LCMT1: variants seen among roughly 807,000 people sequenced by gnomAD.
LCMT1 encodes the protein [Phosphatase 2A protein]-leucine-carboxy methyltransferase 1.
LCMT1 carries 32 observed loss-of-function variants against 47.7 expected under a neutral mutation model. That is an observed-to-expected ratio of 0.67 (90% CI 0.51 to 0.90). The LOEUF (loss-of-function observed/expected upper bound fraction) is 0.90. Ranked by LOEUF, LCMT1 falls within the 40% of genes least tolerant of loss-of-function variation. LCMT1 has a pLI of 0.00. For synonymous variants in LCMT1, 152 were observed against 149.7 expected (o/e 1.02, Z -0.11); for missense variants, 375 against 415.2 (o/e 0.90, Z 0.84).
intron 1 of LCMT1, 116 bp downstream of exon 1, chr16:25,112,112 A>G: frequency 1.4e-6 from 1 of 732,326 alleles, no homozygotes; most frequent in Non-Finnish European, 2.4e-6. Flanking sequence ...CCCGCCTCGC[A>G]CGACCCTCGC....
At chr16:25,134,745 C>T (rs571378382) in intron 3 of LCMT1, among the ~76,000 whole-genome samples, 21 of 152,304 alleles carry the variant, frequency 1.4e-4, no homozygotes, top group African/African-American at 3.4e-4. Context: ...GGATTACAGG[C>T]GTTCACCACC....
chr16:25,161,082 G>A lies in LCMT1; in HGVS notation c.467-20G>A. On this transcript the variant is annotated intron_variant, in intron 5 of 10. Transcript: ENST00000399069. ...AAAAGACATATTCATTAAAATTATA[G>A]CCTCTGATTGCATTTGCAGATGGAC... 2 of 1,451,460 alleles carry A rather than the reference G, an allele frequency of 1.4e-6. No homozygotes were observed. The highest frequency in any genetic ancestry group is 9.6e-7 in the Non-Finnish European group (1 of 1,045,384). 89.9% of individuals were successfully genotyped at this position (1,451,460 alleles called of 1,614,324 possible). A position where few individuals can be genotyped will look rare whatever the true frequency, so the allele number is the denominator to read the frequency against.
chr16:25,114,386 A>G (rs553077702), intron 1 of LCMT1, among the ~76,000 whole-genome samples: 1 of 152,284 alleles, frequency 6.6e-6, no homozygotes, highest in African/African-American at 2.4e-5. Flanking sequence ...ATTGTCATCA[A>G]ATCATTATCA....
At position 25,111,904 on chromosome 16, in the gene LCMT1, A is replaced by C; in HGVS notation, c.21A>C (p.Glu7Asp). ...CGCCCATGGCCACTAGGCAGAGGGA[A>C]TCCTCTATCACCTCCTGCTGTTCCA... The part of the protein sequence containing the change: MATRQR[E>D]SSITSCCSTS... The change falls in exon 1 of 11, where the codon GAA (glutamate) becomes GAC (aspartate). Residue 7 changes from glutamate to aspartate, a missense_variant. Glu to Asp is a conservative substitution (Grantham distance 45). Transcript: ENST00000399069. 6.2e-7 allele frequency: 1 copy of C among 1,612,722 alleles called. No individual in the cohort carries two copies. Among genetic ancestry groups the C allele is most frequent in the Non-Finnish European group, 8.5e-7 (1 of 1,179,158 alleles).
chr16:25,173,938 G>A (rs1567330906), intron 9 of LCMT1, among the ~76,000 whole-genome samples: 1 of 152,182 alleles, frequency 6.6e-6, no homozygotes, highest in African/African-American at 2.4e-5. Context: ...TTGAGACCGA[G>A]TCTCGCTCTG....
At chr16:25,134,814 T>A (rs150404673) in intron 3 of LCMT1, among the ~76,000 whole-genome samples, 1 of 152,332 alleles carries the variant, frequency 6.6e-6, no homozygotes, top group Non-Finnish European at 1.5e-5. Flanking sequence ...TTGGCCAGGC[T>A]GGTCTTGAAC....
chr16:25,145,405 T>TG (rs1960819010), intron 4 of LCMT1: 2 of 152,228 alleles, frequency 1.3e-5, no homozygotes, highest in South Asian at 4.1e-4. Flanking sequence ...CCAGAAGCCC[T>TG]GGGGAAGCAC....
At chr16:25,172,719 G>C (rs1159306731) in intron 9 of LCMT1, among the ~76,000 whole-genome samples, 1 of 152,254 alleles carries the variant, frequency 6.6e-6, no homozygotes, top group African/African-American at 2.4e-5. Flanking sequence ...TGAAAGCCTA[G>C]AGGGTTTGAG....
At chr16:25,135,284 A>AATATATATATATATATATAT (rs779986194) in intron 3 of LCMT1, among the ~76,000 whole-genome samples, 1 of 140,610 alleles carries the variant, frequency 7.1e-6, no homozygotes, top group African/African-American at 2.5e-5. Flanking sequence ...TTTCTTTTAA[A>AATATATATATATATATATAT]ATATATATCT....
chr16:25,112,046 G>C (rs754151638), intron 1 of LCMT1, 50 bp downstream of exon 1: 1 of 1,205,390 alleles, frequency 8.3e-7, no homozygotes, highest in Non-Finnish European at 1.2e-6. Context: ...CGCGGGCCTA[G>C]GTGGGAGGTG....
intron 3 of LCMT1, among the ~76,000 whole-genome samples, chr16:25,135,435 G>T (rs1223637962): frequency 6.6e-6 from 1 of 152,168 alleles, no homozygotes; most frequent in Non-Finnish European, 1.5e-5. Context: ...TGCATATTGT[G>T]CTTCAGCAGC....
intron 2 of LCMT1, among the ~76,000 whole-genome samples, chr16:25,131,736 G>A (rs974150965): frequency 4.6e-5 from 7 of 152,058 alleles, no homozygotes; most frequent in African/African-American, 1.7e-4. Flanking sequence ...TAACAGTGGC[G>A]CAATCTTGGG....
At chr16:25,151,644 T>C (rs368616196) in intron 5 of LCMT1, 29 bp downstream of exon 5, 1 of 1,590,408 alleles carries the variant, frequency 6.3e-7, no homozygotes, top group Non-Finnish European at 8.6e-7. Flanking sequence ...CAAAATGGAC[T>C]GTATCAGTAT....
chr16:25,140,083 GCT>G, intron 3 of LCMT1, 86 bp from the exon 4 acceptor site: 1 of 918,000 alleles, frequency 1.1e-6, no homozygotes. Flanking sequence ...AAACACTATT[GCT>G]CTTAGGTGCC....
chr16:25,150,333 G>GTTTTT (rs35240331), intron 4 of LCMT1, among the ~76,000 whole-genome samples: 2 of 93,554 alleles, frequency 2.1e-5, no homozygotes, highest in African/African-American at 4.4e-5. Flanking sequence ...TAGTTTTCTG[G>GTTTTT]TTTTTTTTTT....
chr16:25,111,809 C>G lies in LCMT1; in HGVS notation c.-75C>G, dbSNP rs1177211648. Reference sequence around the variant, plus strand: ...CTTCTGTTGCTTTCTCCCTGTGGCTCGCGCCGTCCCCCGCCGCCCGTCGAC... The same window carrying G: ...CTTCTGTTGCTTTCTCCCTGTGGCTGGCGCCGTCCCCCGCCGCCCGTCGAC... On this transcript the variant is annotated 5_prime_UTR_variant, in exon 1 of 11. Transcript: ENST00000399069. The G allele has an allele frequency of 3.0e-6, 3 of 990,278 alleles. No homozygotes were observed. Among genetic ancestry groups the G allele is most frequent in the East Asian group, 5.2e-5 (2 of 38,436 alleles). 61.3% of individuals were successfully genotyped at this position (990,278 alleles called of 1,614,324 possible).
chr16:25,118,270 G>A (rs775975194), intron 1 of LCMT1, among the ~76,000 whole-genome samples: 26 of 151,786 alleles, frequency 1.7e-4, no homozygotes, highest in Non-Finnish European at 3.1e-4. Flanking sequence ...CCCCGTCACC[G>A]CCATCCTTTC....
intron 6 of LCMT1, among the ~76,000 whole-genome samples, chr16:25,163,313 A>G (rs1304667520): frequency 1.3e-5 from 2 of 152,068 alleles, no homozygotes; most frequent in Non-Finnish European, 2.9e-5. Flanking sequence ...CTACAAATAC[A>G]AAAATTAGGT....
intron 3 of LCMT1, among the ~76,000 whole-genome samples, chr16:25,135,519 A>G (rs1180181722): frequency 6.6e-6 from 1 of 152,190 alleles, no homozygotes; most frequent in Non-Finnish European, 1.5e-5. Flanking sequence ...TAAAATATTT[A>G]CTTTCTGGCT....
Sources: allele counts gnomAD v4.1 joint callset (sites outside exome capture counted in the v4.1 genomes callset), GRCh38; gene constraint gnomAD v4.1.1; transcripts MANE v1.5; gene names NCBI Gene and HGNC (gene_info 2026-07-23, HGNC 2026-07-21).